The following CNTNAP4 variants were observed in gnomAD, a reference collection of about 807,000 sequenced individuals.
The protein encoded by CNTNAP4 is contactin-associated protein-like 4.
Under a neutral mutation model 148.4 loss-of-function variants are expected in CNTNAP4, and 98 were observed. The ratio of observed to expected loss-of-function variants is 0.66; its 90% CI spans 0.56 to 0.78. The LOEUF (loss-of-function observed/expected upper bound fraction) is 0.78. CNTNAP4 is among the 30% of genes least tolerant of loss of function. CNTNAP4 has a pLI of 0.00. For synonymous variants in CNTNAP4, 730 were observed against 565.1 expected (o/e 1.29, Z -4.14); for missense variants, 1,935 against 1,565.6 (o/e 1.24, Z -3.98).
chr16:76,491,786 C>A (rs2143800990), intron 13 of CNTNAP4, among the ~76,000 whole-genome samples: 1 of 152,172 alleles, frequency 6.6e-6, no homozygotes, highest in South Asian at 2.1e-4. Context: ...AGTATAATGC[C>A]CTTCATGTTC....
intron 1 of CNTNAP4, chr16:76,309,900 T>A: frequency 1.4e-6 from 1 of 701,968 alleles, no homozygotes; most frequent in Non-Finnish European, 2.6e-6. Context: ...CCCAGCTATG[T>A]GGAACTGTGA....
intron 21 of CNTNAP4, among the ~76,000 whole-genome samples, chr16:76,552,323 A>G (rs2084986500): frequency 6.6e-6 from 1 of 152,152 alleles, no homozygotes; most frequent in South Asian, 2.1e-4. Context: ...TTGGATGGGG[A>G]CACAGAGCCA....
intron 2 of CNTNAP4, among the ~76,000 whole-genome samples, chr16:76,336,834 A>G (rs920900047): frequency 4.7e-4 from 72 of 152,206 alleles, no homozygotes; most frequent in African/African-American, 1.6e-3. Flanking sequence ...TCTTCATTCA[A>G]TGTCTACCTT....
chr16:76,551,247 C>G (rs936967856), intron 21 of CNTNAP4, among the ~76,000 whole-genome samples: 11 of 151,908 alleles, frequency 7.2e-5, no homozygotes, highest in Non-Finnish European at 1.3e-4. Flanking sequence ...TCCATCTCTA[C>G]TAAAAATACA....
intron 3 of CNTNAP4, among the ~76,000 whole-genome samples, chr16:76,413,147 A>G (rs71394258): frequency 0.35 from 52,792 of 151,008 alleles, 10,871 homozygotes; most frequent in Non-Finnish European, 0.44. Context: ...TAAAATGTAC[A>G]GTTATTATTG....
intron 2 of CNTNAP4, among the ~76,000 whole-genome samples, chr16:76,321,441 A>C (rs2144142621): frequency 6.6e-6 from 1 of 152,262 alleles, no homozygotes; most frequent in East Asian, 1.9e-4. Flanking sequence ...AAAAAAAAGT[A>C]GGTGCTTTTT....
chr16:76,295,942 C>T (rs1032230108), intron 1 of CNTNAP4, among the ~76,000 whole-genome samples: 1 of 152,122 alleles, frequency 6.6e-6, no homozygotes, highest in African/African-American at 2.4e-5. Flanking sequence ...CTCAGCCTCC[C>T]AAGTAGACTA....
chr16:76,436,293 G>A (rs1158184655), intron 4 of CNTNAP4, among the ~76,000 whole-genome samples: 1 of 152,144 alleles, frequency 6.6e-6, no homozygotes, highest in Non-Finnish European at 1.5e-5. Flanking sequence ...AGGTTCATCA[G>A]AGTTTACAAG....
At chr16:76,431,871 G>C (rs538090105) in intron 4 of CNTNAP4, among the ~76,000 whole-genome samples, 57 of 151,320 alleles carry the variant, frequency 3.8e-4, no homozygotes, top group African/African-American at 1.4e-3. Context: ...TGGGAAATGA[G>C]ACAATAAATA....
intron 1 of CNTNAP4, among the ~76,000 whole-genome samples, chr16:76,305,650 T>G (rs76277997): frequency 1.2e-4 from 19 of 152,296 alleles, no homozygotes; most frequent in Middle Eastern, 3.4e-3. Context: ...GTCCAGAGCC[T>G]GGCAGTCTGG....
chr16:76,361,444 C>T (rs954470097), intron 3 of CNTNAP4, among the ~76,000 whole-genome samples: 3 of 152,082 alleles, frequency 2.0e-5, no homozygotes, highest in Non-Finnish European at 2.9e-5. Flanking sequence ...AGCGTTATGT[C>T]GTCAAAGTTT....
chr16:76,346,697 C>T (rs949999824), intron 2 of CNTNAP4, among the ~76,000 whole-genome samples: 1 of 152,124 alleles, frequency 6.6e-6, no homozygotes, highest in Non-Finnish European at 1.5e-5. Context: ...ATGAAATAAA[C>T]CTATCTGTGG....
chr16:76,280,096 A>C (rs1958630137), intron 1 of CNTNAP4, among the ~76,000 whole-genome samples: 1 of 152,222 alleles, frequency 6.6e-6, no homozygotes, highest in African/African-American at 2.4e-5. Flanking sequence ...TTGACTACCA[A>C]TAGTAATATT....
At chr16:76,536,651 T>G (rs1487427124) in intron 18 of CNTNAP4, among the ~76,000 whole-genome samples, 1 of 152,180 alleles carries the variant, frequency 6.6e-6, no homozygotes, top group African/African-American at 2.4e-5. Context: ...ATTTATACAT[T>G]AATCATACAT....
intron 4 of CNTNAP4, among the ~76,000 whole-genome samples, chr16:76,442,552 T>G (rs1448421140): frequency 2.0e-5 from 3 of 151,976 alleles, no homozygotes; most frequent in Admixed American, 6.6e-5. Context: ...GGGCTTCTGG[T>G]GAGGGCTTTT....
chr16:76,438,659 C>T (rs940643287), intron 4 of CNTNAP4, among the ~76,000 whole-genome samples: 16 of 152,002 alleles, frequency 1.1e-4, no homozygotes, highest in African/African-American at 3.9e-4. Flanking sequence ...ATTTACTTCC[C>T]GCCAGTGCCA....
intron 3 of CNTNAP4, among the ~76,000 whole-genome samples, chr16:76,373,322 T>C (rs1251385301): frequency 1.3e-5 from 2 of 151,902 alleles, no homozygotes; most frequent in South Asian, 4.2e-4. Flanking sequence ...ATATGTGGAG[T>C]ATATTTCACA....
chr16:76,349,171 T>G (rs1457838153), intron 2 of CNTNAP4, among the ~76,000 whole-genome samples: 1 of 152,132 alleles, frequency 6.6e-6, no homozygotes, highest in East Asian at 1.9e-4. Context: ...CTCTCTCTTT[T>G]GGCCTCACTC....
intron 2 of CNTNAP4, among the ~76,000 whole-genome samples, chr16:76,339,677 T>C (rs1964308980): frequency 6.6e-6 from 1 of 152,236 alleles, no homozygotes; most frequent in Non-Finnish European, 1.5e-5. Context: ...TTTGACCTTC[T>C]GAAGTTATCT....
Sources: gnomAD v4.1 joint callset for allele counts (sites outside exome capture counted in the v4.1 genomes callset) on GRCh38, gnomAD v4.1.1 for gene constraint, MANE v1.5 for transcripts, NCBI Gene and HGNC (gene_info 2026-07-23, HGNC 2026-07-21) for gene names.